Variants in MAX observed in about 807,000 individuals in gnomAD.
MAX encodes the protein protein max.
In MAX, 3 loss-of-function variants were observed where a neutral mutation model predicts 22.3. That is an observed-to-expected ratio of 0.13 (90% CI 0.06 to 0.35). MAX has a LOEUF of 0.35. MAX is among the 10% of genes least tolerant of loss of function. The pLI is 1.00. For synonymous variants in MAX, 72 were observed against 77.7 expected, an observed-to-expected ratio of 0.93 and a Z score of 0.39; for missense variants, 119 against 209.4, an observed-to-expected ratio of 0.57 and a Z score of 2.66.
In MAX at chr14:65,007,261, T is replaced by C. The variant is rs900144542; in HGVS notation, c.172-977A>G. Among the ~76,000 whole-genome samples, 7 of 152,330 alleles carry C rather than the reference T, an allele frequency of 4.6e-5. No homozygotes were observed. The highest frequency in any genetic ancestry group is 1.7e-4 in the African/African-American group (7 of 41,566). On this transcript the variant is annotated intron_variant, in intron 3 of 3. Transcript: ENST00000341653. The surrounding 1 kb of genome is among the most constrained non-coding windows in gnomAD (Gnocchi z 4.9). ...GTCTCAATATTTAACATATTAATAG[T>C]CAAAATTTAAAAGTCTGACACTTTA...
At chr14:65,094,740 A>T (rs142159461) in intron 2 of MAX, among the ~76,000 whole-genome samples, 35 of 152,376 alleles carry the variant, frequency 2.3e-4, no homozygotes, top group African/African-American at 8.4e-4. Flanking sequence ...GCTGGAGAGC[A>T]TGATAAGAGC....
chr14:65,010,082 T>C (rs909048632), intron 3 of MAX, among the ~76,000 whole-genome samples: 3 of 152,220 alleles, frequency 2.0e-5, no homozygotes, highest in Non-Finnish European at 4.4e-5. Flanking sequence ...TGGAGGTCTC[T>C]AGCCCTTCTG....
intron 3 of MAX, among the ~76,000 whole-genome samples, chr14:65,064,808 TAG>T (rs2062914702): frequency 1.3e-5 from 2 of 152,334 alleles, no homozygotes; most frequent in Non-Finnish European, 1.5e-5. Flanking sequence ...AAATGGATGC[TAG>T]AGAGGCAAAT....
chr14:65,022,087 G>A (rs975214102), intron 3 of MAX: 5 of 455,870 alleles, frequency 1.1e-5, no homozygotes, highest in South Asian at 4.6e-5. Flanking sequence ...GATGCTGCCC[G>A]TCTTCACCTG....
chr14:65,076,395 C>G lies in MAX; in HGVS notation c.*81G>C. 4.3e-6 allele frequency: 7 copies of G among 1,610,848 alleles called. No individual in the cohort carries two copies. Among genetic ancestry groups the G allele is most frequent in the Non-Finnish European group, 5.9e-6 (7 of 1,179,630 alleles). ...AAAATAAAGAGTCTCTTAAATGGTT[C>G]TGAGGGCTCTACCAACGAACTGAAA... is the stretch of plus-strand genomic sequence containing the variant. On this transcript the variant is annotated 3_prime_UTR_variant, in exon 5 of 5. Transcript: ENST00000358664. This position sits in a 1 kb window ranked among gnomAD's most constrained non-coding sequence, Gnocchi z 6.6.
chr14:65,063,696 C>CTAGG (rs1352219095), intron 3 of MAX, among the ~76,000 whole-genome samples: 5 of 152,184 alleles, frequency 3.3e-5, no homozygotes, highest in Admixed American at 3.3e-4. Flanking sequence ...TCCCAAGTAG[C>CTAGG]TAGGACCACA....
At chr14:65,050,232 C>T (rs1227555221) in intron 3 of MAX, among the ~76,000 whole-genome samples, 1 of 152,152 alleles carries the variant, frequency 6.6e-6, no homozygotes, top group Non-Finnish European at 1.5e-5. Context: ...TAATCAGAGG[C>T]ATGCAAATCA....
At position 65,076,775 on chromosome 14, in the gene MAX, G is replaced by T; in HGVS notation, c.296-112C>A. Reference sequence around the variant, plus strand: ...CCTAAGGGCTTGCTTGTTGGCCCCCGAGGCTCAAGATGCTCAGAAGTAGCT... The same window carrying T: ...CCTAAGGGCTTGCTTGTTGGCCCCCTAGGCTCAAGATGCTCAGAAGTAGCT... On this transcript the variant is annotated intron_variant, in intron 4 of 4. Transcript: ENST00000358664. The surrounding 1 kb of genome is among the most constrained non-coding windows in gnomAD (Gnocchi z 6.6). The T allele has an allele frequency of 7.9e-7, 1 of 1,268,888 alleles. No homozygotes were observed. Among genetic ancestry groups the T allele is most frequent in the South Asian group, 1.2e-5 (1 of 82,648 alleles). 78.6% of individuals were successfully genotyped at this position (1,268,888 alleles called of 1,614,324 possible). A position where few individuals can be genotyped will look rare whatever the true frequency, so the allele number is the denominator to read the frequency against.
intron 3 of MAX, among the ~76,000 whole-genome samples, chr14:65,067,748 A>C (rs2062945795): frequency 6.7e-6 from 1 of 150,368 alleles, no homozygotes; most frequent in African/African-American, 2.5e-5. Context: ...CAGCTTCCTG[A>C]GTAGGTGGGA....
chr14:65,085,444 T>G (rs936128264), intron 3 of MAX, among the ~76,000 whole-genome samples: 5 of 152,204 alleles, frequency 3.3e-5, no homozygotes, highest in African/African-American at 9.7e-5. Context: ...TCAATCTCTA[T>G]CCTTCCGAAT....
chr14:65,016,920 GTTTTTTTT>G (rs34191835), intron 3 of MAX, among the ~76,000 whole-genome samples: 1,490 of 114,844 alleles, frequency 0.013, 19 homozygotes, highest in South Asian at 0.031. Flanking sequence ...GGCCCACGTG[GTTTTTTTT>G]TTTTTTTTTT....
chr14:65,042,360 T>C (rs1026665546), intron 3 of MAX, among the ~76,000 whole-genome samples: 3 of 152,120 alleles, frequency 2.0e-5, no homozygotes, highest in Admixed American at 6.6e-5. Flanking sequence ...ACAGTCCCAT[T>C]TGGGGGTGAT....
intron 3 of MAX, among the ~76,000 whole-genome samples, chr14:65,091,145 C>G (rs1204104817): frequency 1.3e-5 from 2 of 151,452 alleles, no homozygotes; most frequent in African/African-American, 4.8e-5. Context: ...TGATTATTTA[C>G]ATAATGTCAT....
chr14:65,032,800 A>C lies in MAX; in HGVS notation c.172-26516T>G. Reference sequence around the variant, plus strand: ...CAGAGGGACTTGGAAGGAAATACAAAAATCACAGGAGATCCATTAGGGTTA... The same window carrying C: ...CAGAGGGACTTGGAAGGAAATACAACAATCACAGGAGATCCATTAGGGTTA... On this transcript the variant is annotated intron_variant, in intron 3 of 3. Transcript: ENST00000341653. The surrounding 1 kb of genome is among the most constrained non-coding windows in gnomAD (Gnocchi z 5.0). 1.8e-6 allele frequency: 2 copies of C among 1,091,752 alleles called. No homozygotes were observed. Among genetic ancestry groups the C allele is most frequent in the Admixed American group, 2.9e-5 (1 of 33,990 alleles). 67.6% of individuals were successfully genotyped at this position (1,091,752 alleles called of 1,614,324 possible).
At chr14:65,048,643 A>G (rs951222600) in intron 3 of MAX, among the ~76,000 whole-genome samples, 3 of 152,224 alleles carry the variant, frequency 2.0e-5, no homozygotes, top group African/African-American at 7.2e-5. Flanking sequence ...TCTTGAGCTC[A>G]GGAGTTCAAG....
At position 65,075,434 on chromosome 14, in the gene MAX, C is replaced by A. The variant is rs915018771; in HGVS notation, c.*1042G>T. ...AGTAGGAAAGGAAGTGGGATGAGGG[C>A]TGGGAAGGGTCCGCACTGGGGTGCG... On this transcript the variant is annotated 3_prime_UTR_variant, in exon 5 of 5. Coordinates refer to ENST00000358664, the MANE Select transcript of MAX (RefSeq NM_002382.5). This position sits in a 1 kb window ranked among gnomAD's most constrained non-coding sequence, Gnocchi z 4.1. 8 of 1,063,834 alleles carry A rather than the reference C, an allele frequency of 7.5e-6. No homozygotes were observed. The African/African-American group carries it at 1.3e-4, about 17-fold the overall frequency. 65.9% of individuals were successfully genotyped at this position (1,063,834 alleles called of 1,614,324 possible).
At chr14:65,102,654 A>C, upstream of MAX, 20 of 962,962 alleles carry the variant, frequency 2.1e-5, no homozygotes, top group Non-Finnish European at 2.2e-5. Flanking sequence ...AAAACTACAA[A>C]TCCCGGAAGA....
At position 65,022,563 on chromosome 14, in the gene MAX, C is replaced by T. The variant is rs776384610; in HGVS notation, c.172-16279G>A. 1.5e-4 allele frequency among the ~76,000 whole-genome samples: 23 copies of T among 152,070 alleles called. No homozygotes were observed. In the Middle Eastern group the frequency reaches 0.01, roughly 67 times the overall value. On this transcript the variant is annotated intron_variant, in intron 3 of 3. Coordinates refer to the MAX transcript ENST00000341653. ...TATTTTAAAAATAGAGATAAGGTCT[C>T]GCTGTATTGCCTAAGCTGGTCTCAA... is the stretch of plus-strand genomic sequence containing the variant.
chr14:65,102,187 G>T, intron 1 of MAX, 117 bp downstream of exon 1: 1 of 1,545,556 alleles, frequency 6.5e-7, no homozygotes, highest in South Asian at 1.2e-5. Flanking sequence ...TGGCCCCGAG[G>T]GGAAGGGGAA....
Sources: allele counts gnomAD v4.1 joint callset (sites outside exome capture counted in the v4.1 genomes callset), GRCh38; gene constraint gnomAD v4.1.1; non-coding constraint Gnocchi (gnomAD v3.1); transcripts MANE v1.5; gene names NCBI Gene and HGNC (gene_info 2026-07-23, HGNC 2026-07-21).